The following ZNF609 variants were observed in gnomAD, a reference collection of about 807,000 sequenced individuals.
ZNF609 encodes the protein zinc finger protein 609.
A neutral mutation model predicts 109.5 loss-of-function variants in ZNF609; 11 were observed. The ratio of observed to expected loss-of-function variants is 0.10; its 90% confidence interval spans 0.06 to 0.17. The LOEUF is 0.17. ZNF609 is among the 10% of genes least tolerant of loss of function. The probability of loss-of-function intolerance (pLI) is 1.00; values close to 1 mark genes in which losing one functional copy is unlikely to be tolerated. For synonymous variants in ZNF609, 646 were observed against 662.0 expected, an observed-to-expected ratio of 0.98 and a Z score of 0.37; for missense variants, 1,559 against 1,772.4, an observed-to-expected ratio of 0.88 and a Z score of 2.16.
intron 2 of ZNF609, among the ~76,000 whole-genome samples, chr15:64,519,603 G>T (rs928234749): frequency 6.6e-6 from 1 of 152,184 alleles, no homozygotes; most frequent in Non-Finnish European, 1.5e-5. Flanking sequence ...TTGAGGAAAA[G>T]TTCGTTTCTC....
intron 2 of ZNF609, among the ~76,000 whole-genome samples, chr15:64,548,652 C>T (rs1894407258): frequency 1.3e-5 from 2 of 152,080 alleles, no homozygotes; most frequent in Admixed American, 6.6e-5. Flanking sequence ...CCTATATTCC[C>T]AGCTACTTGG....
At chr15:64,633,349 A>G (rs192771351) in intron 3 of ZNF609, among the ~76,000 whole-genome samples, 5 of 152,100 alleles carry the variant, frequency 3.3e-5, no homozygotes, top group African/African-American at 9.6e-5. Context: ...GTATTGCCAT[A>G]TTGCTCAGGC....
chr15:64,460,437 G>C (rs963187745), upstream of ZNF609, among the ~76,000 whole-genome samples: 3 of 152,128 alleles, frequency 2.0e-5, no homozygotes, highest in African/African-American at 7.2e-5. Flanking sequence ...CCGGGTGAGC[G>C]CGCATTCCGA....
At chr15:64,490,118 C>A (rs974493405) in intron 1 of ZNF609, among the ~76,000 whole-genome samples, 1 of 152,044 alleles carries the variant, frequency 6.6e-6, no homozygotes, top group Admixed American at 6.6e-5. Context: ...GCCACCATAT[C>A]TGGCTAATTT....
chr15:64,625,845 C>T (rs1895945290), intron 3 of ZNF609, among the ~76,000 whole-genome samples: 1 of 132,058 alleles, frequency 7.6e-6, no homozygotes, highest in Non-Finnish European at 1.5e-5. Context: ...GCCAAGATTG[C>T]ACCACTGCAC....
chr15:64,659,227 A>G (rs1215697773), intron 3 of ZNF609, among the ~76,000 whole-genome samples: 1 of 152,178 alleles, frequency 6.6e-6, no homozygotes. Context: ...AAAGTTTTTT[A>G]TTGGACATTT....
At chr15:64,541,698 G>A (rs957866598) in intron 2 of ZNF609, among the ~76,000 whole-genome samples, 43 of 151,112 alleles carry the variant, frequency 2.8e-4, no homozygotes, top group East Asian at 1.4e-3. Context: ...CAATTAGCCG[G>A]GCCTCGTGGT....
chr15:64,523,500 G>A (rs1040969298), intron 2 of ZNF609, among the ~76,000 whole-genome samples: 1 of 152,138 alleles, frequency 6.6e-6, no homozygotes, highest in Non-Finnish European at 1.5e-5. Flanking sequence ...TATAGGCCGG[G>A]CACAGTGGCT....
intron 2 of ZNF609, among the ~76,000 whole-genome samples, chr15:64,603,337 C>G (rs1895536355): frequency 6.7e-6 from 1 of 148,282 alleles, no homozygotes; most frequent in South Asian, 2.1e-4. Context: ...GTGGCATGAT[C>G]TTGGCTCACT....
chr15:64,673,585 C>T (rs1896765473), intron 4 of ZNF609, among the ~76,000 whole-genome samples: 1 of 152,176 alleles, frequency 6.6e-6, no homozygotes, highest in South Asian at 2.1e-4. Context: ...TTGGACAAGT[C>T]ATTTAGCATG....
At chr15:64,622,184 C>G (rs575877018) in intron 2 of ZNF609, among the ~76,000 whole-genome samples, 10 of 152,302 alleles carry the variant, frequency 6.6e-5, no homozygotes, top group African/African-American at 2.4e-4. Flanking sequence ...ACCACTGTTA[C>G]ATGTTACAGT....
At chr15:64,657,401 G>A (rs1896505966) in intron 3 of ZNF609, among the ~76,000 whole-genome samples, 1 of 151,964 alleles carries the variant, frequency 6.6e-6, no homozygotes, top group African/African-American at 2.4e-5. Context: ...GGATCATGAG[G>A]TCAAGAGATT....
chr15:64,662,385 G>C (rs777811261), intron 3 of ZNF609, among the ~76,000 whole-genome samples: 2 of 152,062 alleles, frequency 1.3e-5, no homozygotes, highest in Non-Finnish European at 2.9e-5. Flanking sequence ...GAGTGCAGGG[G>C]CAACATCTCA....
intron 2 of ZNF609, among the ~76,000 whole-genome samples, chr15:64,576,919 T>TATAAATATATAC (rs1567018953): frequency 1.5e-5 from 2 of 130,388 alleles, no homozygotes; most frequent in African/African-American, 5.3e-5. Context: ...TATATATACA[T>TATAAATATATAC]ATATGTGTAT....
chr15:64,666,009 A>G (rs570349741), intron 3 of ZNF609, among the ~76,000 whole-genome samples: 23 of 149,812 alleles, frequency 1.5e-4, no homozygotes, highest in Non-Finnish European at 2.7e-4. Flanking sequence ...CAGGAGGCGG[A>G]GGTTGCAGTG....
chr15:64,618,272 C>T (rs775925644), intron 2 of ZNF609, among the ~76,000 whole-genome samples: 21 of 152,106 alleles, frequency 1.4e-4, no homozygotes, highest in Non-Finnish European at 2.1e-4. Flanking sequence ...CCTCACAGGG[C>T]GTGCAATGGG....
At chr15:64,636,936 G>A (rs1247027950) in intron 3 of ZNF609, among the ~76,000 whole-genome samples, 1 of 152,152 alleles carries the variant, frequency 6.6e-6, no homozygotes, top group Non-Finnish European at 1.5e-5. Flanking sequence ...ATATAAACAT[G>A]TACGCAAATT....
intron 3 of ZNF609, among the ~76,000 whole-genome samples, chr15:64,651,671 CTG>C (rs1446796675): frequency 6.6e-6 from 1 of 152,208 alleles, no homozygotes; most frequent in Non-Finnish European, 1.5e-5. Flanking sequence ...AGGGCAAACA[CTG>C]TGACAGGAGC....
intron 2 of ZNF609, 117 bp from the exon 3 acceptor site, chr15:64,622,710 T>C (rs1895895422): frequency 2.3e-6 from 2 of 859,588 alleles, no homozygotes; most frequent in Non-Finnish European, 3.8e-6. Context: ...CAAAGTCTTA[T>C]TTATAGCCGT....
Sources: gnomAD v4.1 joint callset for allele counts (sites outside exome capture counted in the v4.1 genomes callset) on GRCh38, gnomAD v4.1.1 for gene constraint, MANE v1.5 for transcripts, NCBI Gene and HGNC (gene_info 2026-07-23, HGNC 2026-07-21) for gene names.